The following RGS7 variants were observed in gnomAD, a reference collection of about 807,000 sequenced individuals.
RGS7 encodes regulator of G protein signaling 7, also known as regulator of G-protein signaling 7.
Under a neutral mutation model 81.1 loss-of-function variants are expected in RGS7, and 27 were observed. The observed-to-expected ratio is 0.33, with a 90% confidence interval of 0.25 to 0.46. The LOEUF (loss-of-function observed/expected upper bound fraction) is 0.46, where lower values mean the gene tolerates loss of function less well. RGS7 is among the 20% of genes least tolerant of loss of function. The pLI is 1.00. For synonymous variants in RGS7, 208 were observed against 207.7 expected, an observed-to-expected ratio of 1.00 and a Z score of -0.01; for missense variants, 396 against 607.4, an observed-to-expected ratio of 0.65 and a Z score of 3.66.
intron 6 of RGS7, among the ~76,000 whole-genome samples, chr1:240,916,096 C>A: frequency 7.8e-6 from 1 of 128,376 alleles, no homozygotes. Flanking sequence ...AACCCTGTGT[C>A]TACTAAAAAT....
chr1:241,340,564 TG>T (rs368025022), intron 2 of RGS7, among the ~76,000 whole-genome samples: 37 of 152,280 alleles, frequency 2.4e-4, no homozygotes, highest in African/African-American at 8.9e-4. Flanking sequence ...CAACTAAAAC[TG>T]AATTTATTTT....
chr1:241,017,507 T>TA (rs2059319736), intron 3 of RGS7, among the ~76,000 whole-genome samples: 1 of 152,122 alleles, frequency 6.6e-6, no homozygotes, highest in Non-Finnish European at 1.5e-5. Context: ...GCCTTTTTTT[T>TA]ATGTTGCTTC....
Position 240,905,789 on chromosome 1 carries a change from T to C in RGS7, c.385+24928A>G, listed in dbSNP as rs574385776. Among the ~76,000 whole-genome samples, 18 of 152,332 alleles carry C rather than the reference T, an allele frequency of 1.2e-4. No individual in the cohort carries two copies. In the South Asian group the frequency reaches 3.5e-3, roughly 30 times the overall value. On this transcript the variant is annotated intron_variant, in intron 6 of 18. Transcript: ENST00000440928. ...AAGGGTAAAGTTTGTTTTTGGACTC[T>C]ACCTGTTTCCTCTCCTTGGCTCTAA...
At chr1:241,247,152 G>C (rs1211086976) in intron 2 of RGS7, among the ~76,000 whole-genome samples, 1 of 152,004 alleles carries the variant, frequency 6.6e-6, no homozygotes, top group Non-Finnish European at 1.5e-5. Flanking sequence ...TAGGCTATAA[G>C]CTCTTTCAAA....
chr1:241,190,922 G>A (rs2072594038), intron 2 of RGS7, among the ~76,000 whole-genome samples: 1 of 152,078 alleles, frequency 6.6e-6, no homozygotes, highest in African/African-American at 2.4e-5. Flanking sequence ...TGTAATGTTA[G>A]CTGTAGTTTT....
At chr1:241,330,921 C>A (rs1196809565) in intron 2 of RGS7, among the ~76,000 whole-genome samples, 1 of 152,136 alleles carries the variant, frequency 6.6e-6, no homozygotes, top group African/African-American at 2.4e-5. Flanking sequence ...ACACATACCC[C>A]CTAAATCTAT....
intron 6 of RGS7, among the ~76,000 whole-genome samples, chr1:240,927,206 A>G (rs1674601567): frequency 6.6e-6 from 1 of 152,146 alleles, no homozygotes; most frequent in African/African-American, 2.4e-5. Flanking sequence ...AGCTGGGACT[A>G]CAGACGTGCG....
chr1:240,777,404 G>A (rs899590104), intron 18 of RGS7, among the ~76,000 whole-genome samples: 2 of 151,990 alleles, frequency 1.3e-5, no homozygotes, highest in Non-Finnish European at 2.9e-5. Context: ...ATGAATTTTT[G>A]TACATCTCAG....
chr1:241,122,334 A>G (rs893036052), intron 2 of RGS7, among the ~76,000 whole-genome samples: 4 of 152,208 alleles, frequency 2.6e-5, no homozygotes, highest in Non-Finnish European at 4.4e-5. Context: ...TAAACTCATC[A>G]TAAGTTGAAA....
At chr1:241,356,207 AAC>A (rs959863093) in intron 1 of RGS7, among the ~76,000 whole-genome samples, 4 of 152,024 alleles carry the variant, frequency 2.6e-5, no homozygotes, top group Non-Finnish European at 5.9e-5. Context: ...GTGGAAAGGC[AAC>A]ACCTGGGGGA....
chr1:240,968,279 G>A (rs755488971), intron 4 of RGS7, among the ~76,000 whole-genome samples: 4 of 152,180 alleles, frequency 2.6e-5, no homozygotes, highest in Non-Finnish European at 5.9e-5. Flanking sequence ...CTTCCTACGG[G>A]CATTCAGTAG....
intron 2 of RGS7, among the ~76,000 whole-genome samples, chr1:241,121,953 C>T (rs1045368513): frequency 6.6e-6 from 1 of 152,134 alleles, no homozygotes; most frequent in African/African-American, 2.4e-5. Flanking sequence ...TTTCTCCCGT[C>T]TTAGCCTCCC....
chr1:241,043,876 G>T (rs1189304662), intron 3 of RGS7, among the ~76,000 whole-genome samples: 1 of 151,794 alleles, frequency 6.6e-6, no homozygotes, highest in Non-Finnish European at 1.5e-5. Flanking sequence ...AAGGACTTGA[G>T]CATCCACGGA....
chr1:240,990,021 C>G (rs1686234460), intron 3 of RGS7, among the ~76,000 whole-genome samples: 1 of 152,182 alleles, frequency 6.6e-6, no homozygotes, highest in Non-Finnish European at 1.5e-5. Flanking sequence ...GTTAAAATCT[C>G]TGCCACTGAA....
chr1:241,284,486 C>T (rs2148415659), intron 2 of RGS7, among the ~76,000 whole-genome samples: 1 of 152,234 alleles, frequency 6.6e-6, no homozygotes, highest in East Asian at 1.9e-4. Flanking sequence ...AGTCCTGACT[C>T]TCCACTAAGT....
chr1:241,227,702 A>G (rs1382273116), intron 2 of RGS7, among the ~76,000 whole-genome samples: 2 of 136,116 alleles, frequency 1.5e-5, no homozygotes, highest in African/African-American at 5.1e-5. Flanking sequence ...TGATTGCTCC[A>G]CTACATTACA....
At chr1:240,992,060 A>G (rs921288981) in intron 3 of RGS7, among the ~76,000 whole-genome samples, 15 of 152,320 alleles carry the variant, frequency 9.8e-5, no homozygotes, top group African/African-American at 3.6e-4. Context: ...GGTAGAGATA[A>G]TACTTTTTAT....
Position 240,930,772 on chromosome 1 carries a change from C to T in RGS7, c.334-4G>A, listed in dbSNP as rs760986877. 8 of 1,613,402 alleles carry T rather than the reference C, an allele frequency of 5.0e-6. No individual in the cohort carries two copies. Among genetic ancestry groups the T allele is most frequent in the Admixed American group, 1.7e-5 (1 of 59,982 alleles). The stretch of plus-strand genomic sequence containing the variant: ...TTGATGGCCAAAAATAGGGGGTCTG[C>T]GGAATGAAAAGAAGTGGAACCCAGA... On this transcript the variant is annotated splice_region_variant and splice_polypyrimidine_tract_variant and intron_variant, in intron 5 of 18. Transcript: ENST00000440928.
chr1:241,155,271 T>G (rs902900128), intron 2 of RGS7, among the ~76,000 whole-genome samples: 2 of 152,150 alleles, frequency 1.3e-5, no homozygotes, highest in African/African-American at 4.8e-5. Flanking sequence ...CAGCTAATTT[T>G]TGTATTTTTT....
Sources: allele counts gnomAD v4.1 joint callset (sites outside exome capture counted in the v4.1 genomes callset), GRCh38; gene constraint gnomAD v4.1.1; transcripts MANE v1.5; gene names NCBI Gene and HGNC (gene_info 2026-07-23, HGNC 2026-07-21).